Variants in PTPRA observed in about 807,000 individuals in gnomAD.
PTPRA encodes the protein protein tyrosine phosphatase receptor type A.
PTPRA carries 25 observed loss-of-function variants against 104.8 expected under a neutral mutation model. The observed-to-expected ratio is 0.24, with a 90% CI of 0.17 to 0.33. The LOEUF (loss-of-function observed/expected upper bound fraction) is 0.33, where lower values mean the gene tolerates loss of function less well. Ranked by LOEUF, PTPRA falls within the 10% of genes least tolerant of loss-of-function variation. The pLI is 1.00. For missense variants in PTPRA, 765 were observed against 1,015.3 expected (o/e 0.75, Z 3.35); for synonymous variants, 323 against 368.9 (o/e 0.88, Z 1.43).
intron 13 of PTPRA, among the ~76,000 whole-genome samples, chr20:3,019,829 C>T (rs929160298): frequency 1.1e-4 from 17 of 152,134 alleles, no homozygotes; most frequent in Admixed American, 3.9e-4. Context: ...CCCGGCACCT[C>T]GGGAGGCCGA....
chr20:2,965,312 C>A, intron 5 of PTPRA, 110 bp downstream of exon 5: 1 of 1,112,736 alleles, frequency 9.0e-7, no homozygotes, highest in Non-Finnish European at 1.2e-6. Context: ...TAAAATTGCT[C>A]AAGTGAAGTA....
intron 2 of PTPRA, among the ~76,000 whole-genome samples, chr20:2,943,746 G>A (rs779322777): frequency 1.3e-5 from 2 of 152,098 alleles, no homozygotes; most frequent in Non-Finnish European, 1.5e-5. Context: ...GCATGTAGCC[G>A]AAAACACACT....
At chr20:2,876,685 T>A (rs1214069276) in intron 1 of PTPRA, among the ~76,000 whole-genome samples, 1 of 152,214 alleles carries the variant, frequency 6.6e-6, no homozygotes, top group East Asian at 1.9e-4. Flanking sequence ...CTGAACAATA[T>A]GCTTTTAGAA....
At chr20:2,865,915 A>G in the PTPRA span, 1 of 489,870 alleles carries the variant, frequency 2.0e-6, no homozygotes, top group East Asian at 3.8e-5. This position sits in a 1 kb window ranked among gnomAD's most constrained non-coding sequence, Gnocchi z 5.2. Flanking sequence ...GAACACAGGA[A>G]ATGTGAGGGC....
At chr20:2,921,012 G>A (rs928205025) in intron 1 of PTPRA, among the ~76,000 whole-genome samples, 1 of 152,122 alleles carries the variant, frequency 6.6e-6, no homozygotes, top group African/African-American at 2.4e-5. Flanking sequence ...TTTTGGAACT[G>A]TTTGCTTAAT....
At chr20:2,989,438 A>G (rs1386875543) in intron 9 of PTPRA, among the ~76,000 whole-genome samples, 2 of 152,294 alleles carry the variant, frequency 1.3e-5, no homozygotes, top group African/African-American at 4.8e-5. Flanking sequence ...TCTCAAAAAA[A>G]CAAGAGCTTC....
rs772538389 is a variant in PTPRA at position 2,975,234 on chromosome 20, C to T, written c.435C>T (p.Asp145=). The T allele has an allele frequency of 1.9e-6, 3 of 1,597,082 alleles. No homozygotes were observed. Among genetic ancestry groups the T allele is most frequent in the Non-Finnish European group, 2.6e-6 (3 of 1,166,294 alleles). ...FPPSGNSDSK[D]RRDETPIIAV... is the part of the protein sequence containing the mutation. ...ACACAGGTAATTCTGACTCGAAGGACAGAAGAGGTGAGCTGCTCACCTTAT... is the reference window on the plus strand; with the variant it reads ...ACACAGGTAATTCTGACTCGAAGGATAGAAGAGGTGAGCTGCTCACCTTAT... Residue 145 remains aspartate, a synonymous_variant, in exon 6 of 24, where the codon GAC becomes GAT. Transcript: ENST00000399903.
At chr20:2,869,790 AC>A (rs556746309), upstream of PTPRA, among the ~76,000 whole-genome samples, 24 of 152,032 alleles carry the variant, frequency 1.6e-4, no homozygotes, top group Middle Eastern at 3.4e-3. Flanking sequence ...ACATGGTGAA[AC>A]CCTGTCTCTA....
At position 3,022,505 on chromosome 20, in the gene PTPRA, T is replaced by C. The variant is rs2064927938; in HGVS notation, c.1329-184T>C. ...ATGTATTTTTGCAGCCTTCGGACCC[T>C]TCTAGCTGGAGGTCAGGATTCAGGA... On this transcript the variant is annotated intron_variant, in intron 15 of 23. Coordinates refer to ENST00000399903, the MANE Select transcript of PTPRA (RefSeq NM_001385305.1). The surrounding 1 kb of genome is among the most constrained non-coding windows in gnomAD (Gnocchi z 4.6). 6.6e-6 allele frequency among the ~76,000 whole-genome samples: 1 copy of C among 152,162 alleles called. No homozygotes were observed. The highest frequency in any genetic ancestry group is 2.4e-5 in the African/African-American group (1 of 41,442).
chr20:2,966,785 A>T (rs940017293), intron 5 of PTPRA, among the ~76,000 whole-genome samples: 6 of 152,234 alleles, frequency 3.9e-5, no homozygotes, highest in Non-Finnish European at 8.8e-5. Context: ...AAATCACTTT[A>T]GCAGGCCACC....
chr20:2,943,206 T>TC (rs147898735), intron 2 of PTPRA, among the ~76,000 whole-genome samples: 24,084 of 96,920 alleles, frequency 0.25, 2,910 homozygotes, highest in African/African-American at 0.44. Flanking sequence ...TTGGAACATA[T>TC]CCCCCCACCC....
At chr20:2,924,360 C>T (rs987400792) in intron 2 of PTPRA, among the ~76,000 whole-genome samples, 8 of 152,140 alleles carry the variant, frequency 5.3e-5, no homozygotes, top group African/African-American at 1.4e-4. Flanking sequence ...TGAGATCACG[C>T]CCCTGCACTC....
At chr20:2,999,167 A>C (rs2148244841) in intron 9 of PTPRA, among the ~76,000 whole-genome samples, 1 of 152,268 alleles carries the variant, frequency 6.6e-6, no homozygotes. Context: ...GAATGGATTT[A>C]ACAATTTAGA....
chr20:2,944,072 A>C (rs1600149674), intron 2 of PTPRA, among the ~76,000 whole-genome samples: 5 of 128,854 alleles, frequency 3.9e-5, no homozygotes, highest in East Asian at 2.2e-4. Flanking sequence ...ACAGGGTCTC[A>C]CTCTGCCACC....
At chr20:2,999,052 G>A (rs182836808) in intron 9 of PTPRA, among the ~76,000 whole-genome samples, 128 of 151,894 alleles carry the variant, frequency 8.4e-4, no homozygotes, top group African/African-American at 2.8e-3. Context: ...TACAGAAGCA[G>A]CATAAAAATT....
At chr20:2,917,372 G>C (rs1291573450) in intron 1 of PTPRA, among the ~76,000 whole-genome samples, 1 of 152,082 alleles carries the variant, frequency 6.6e-6, no homozygotes. Flanking sequence ...TGGGCCTTAA[G>C]AGAGCCACAA....
intron 1 of PTPRA, among the ~76,000 whole-genome samples, chr20:2,897,467 A>C (rs1339582564): frequency 1.4e-5 from 2 of 143,886 alleles, no homozygotes; most frequent in Non-Finnish European, 3.0e-5. Context: ...GTCTCACTGC[A>C]ACCTCTGCCT....
chr20:2,925,250 A>G (rs1001682299), intron 2 of PTPRA, among the ~76,000 whole-genome samples: 6 of 152,144 alleles, frequency 3.9e-5, no homozygotes, highest in Admixed American at 2.0e-4. Context: ...GAATTTGACT[A>G]TAATAGTTAC....
At chr20:3,021,254 A>T in intron 13 of PTPRA, 55 bp from the exon 14 acceptor site, 15 of 1,609,540 alleles carry the variant, frequency 9.3e-6, no homozygotes, top group Non-Finnish European at 1.3e-5. Context: ...GGCCCTTTGC[A>T]TCTGCCATGG....
Sources: allele counts gnomAD v4.1 joint callset (sites outside exome capture counted in the v4.1 genomes callset), GRCh38; gene constraint gnomAD v4.1.1; non-coding constraint Gnocchi (gnomAD v3.1); transcripts MANE v1.5; gene names NCBI Gene and HGNC (gene_info 2026-07-23, HGNC 2026-07-21).